DOCK1: variants seen among roughly 807,000 people sequenced by gnomAD.
DOCK1 encodes the protein dedicator of cytokinesis protein 1.
DOCK1 carries 138 observed loss-of-function variants against 262.7 expected under a neutral mutation model. The observed-to-expected ratio is 0.53, with a 90% CI of 0.46 to 0.61. The LOEUF (loss-of-function observed/expected upper bound fraction) is 0.61, where lower values mean the gene tolerates loss of function less well. DOCK1 is among the 20% of genes least tolerant of loss of function. DOCK1 has a pLI of 0.00. For missense variants in DOCK1, 1,908 were observed against 2,370.7 expected (o/e 0.80, Z 4.05); for synonymous variants, 866 against 867.4 (o/e 1.00, Z 0.03).
intron 3 of DOCK1, among the ~76,000 whole-genome samples, chr10:126,979,126 G>C (rs9733352): frequency 0.41 from 61,802 of 152,024 alleles, 13,052 homozygotes; most frequent in East Asian, 0.64. Flanking sequence ...GTGACCTATA[G>C]CCTTGAAGTT....
chr10:127,085,484 G>T (rs1419025189), intron 23 of DOCK1, among the ~76,000 whole-genome samples: 1 of 152,186 alleles, frequency 6.6e-6, no homozygotes, highest in Non-Finnish European at 1.5e-5. Flanking sequence ...TCTTGGCCGG[G>T]CGCGGTGGCT....
At chr10:127,182,498 T>A (rs1479277447) in intron 27 of DOCK1, among the ~76,000 whole-genome samples, 1 of 152,178 alleles carries the variant, frequency 6.6e-6, no homozygotes. Context: ...TATGTTTCAC[T>A]ACCCAGTTCT....
chr10:127,091,989 T>C (rs912746201), intron 23 of DOCK1, among the ~76,000 whole-genome samples: 1 of 152,196 alleles, frequency 6.6e-6, no homozygotes, highest in Non-Finnish European at 1.5e-5. Flanking sequence ...GATGCTGCCA[T>C]AGTATATCGT....
chr10:127,250,924 T>C (rs1490812613), intron 28 of DOCK1, among the ~76,000 whole-genome samples: 2 of 152,124 alleles, frequency 1.3e-5, no homozygotes, highest in Non-Finnish European at 2.9e-5. Context: ...TGTTTCTGTT[T>C]GTTAACTATA....
Position 127,008,816 on chromosome 10 carries a change from G to A in DOCK1, c.1058+12G>A, listed in dbSNP as rs761849675. ...ATTCCCTTTCAGCCGTAAGTATGGA[G>A]CAATTCAAGTACTTAGCCAGATATA... On this transcript the variant is annotated intron_variant, in intron 11 of 51. Transcript: ENST00000623213. The A allele has an allele frequency of 1.3e-6, 2 of 1,588,768 alleles. No individual in the cohort carries two copies. Among genetic ancestry groups the A allele is most frequent in the Non-Finnish European group, 8.6e-7 (1 of 1,165,128 alleles).
chr10:127,122,573 T>C (rs1430112186), intron 25 of DOCK1, among the ~76,000 whole-genome samples: 2 of 151,792 alleles, frequency 1.3e-5, no homozygotes, highest in African/African-American at 4.8e-5. Context: ...CATGGATGGC[T>C]GGGTCATGAA....
chr10:126,991,829 G>A (rs2039810380), intron 6 of DOCK1, among the ~76,000 whole-genome samples: 2 of 151,994 alleles, frequency 1.3e-5, no homozygotes, highest in Non-Finnish European at 2.9e-5. Context: ...GCTCCCAGCC[G>A]GAAATCTCAA....
At chr10:127,034,205 T>C (rs1346037367) in intron 18 of DOCK1, among the ~76,000 whole-genome samples, 1 of 152,282 alleles carries the variant, frequency 6.6e-6, no homozygotes, top group East Asian at 1.9e-4. Context: ...AGAGGTTTAA[T>C]GTACAGTTCT....
In DOCK1 at chr10:127,384,916, C is replaced by A. The variant is rs1245430889; in HGVS notation, c.3927+7C>A. ...CTACTTCGACAAAGGCAAGGTAAAA[C>A]ACAAAAAGCAATTGTCCTTGTTTTC... is the stretch of plus-strand genomic sequence containing the variant. On this transcript the variant is annotated splice_region_variant and intron_variant, in intron 38 of 51. Coordinates refer to ENST00000623213, the MANE Select transcript of DOCK1 (RefSeq NM_001290223.2). 2 of 1,582,610 alleles carry A rather than the reference C, an allele frequency of 1.3e-6. No individual in the cohort carries two copies. The highest frequency in any genetic ancestry group is 1.9e-5 in the Admixed American group (1 of 52,620).
intron 2 of DOCK1, among the ~76,000 whole-genome samples, chr10:126,974,138 T>C (rs1402938867): frequency 6.6e-6 from 1 of 152,058 alleles, no homozygotes; most frequent in Non-Finnish European, 1.5e-5. Context: ...TACCTCCAGA[T>C]AGGAGAGGTG....
intron 22 of DOCK1, among the ~76,000 whole-genome samples, chr10:127,059,269 A>G (rs1014983586): frequency 6.6e-6 from 1 of 152,074 alleles, no homozygotes; most frequent in African/African-American, 2.4e-5. Context: ...CAATCTTACT[A>G]TGGGTTGCAT....
chr10:127,341,045 T>G (rs1038873182), intron 30 of DOCK1, among the ~76,000 whole-genome samples: 2 of 152,206 alleles, frequency 1.3e-5, no homozygotes, highest in Non-Finnish European at 2.9e-5. Context: ...ACTTCTAAAT[T>G]TTACTGTTTT....
In DOCK1 at chr10:127,409,394, A is replaced by G. The variant is rs2067712589; in HGVS notation, c.4343+3A>G. On this transcript the variant is annotated splice_donor_region_variant and intron_variant, in intron 42 of 51. Coordinates refer to ENST00000623213, the MANE Select transcript of DOCK1 (RefSeq NM_001290223.2). ...CCAGTGTCAGAGCAGATTGTAAGGTAATAATCCCATTTTTCTTACCCAACG... is the reference window on the plus strand; with the variant it reads ...CCAGTGTCAGAGCAGATTGTAAGGTGATAATCCCATTTTTCTTACCCAACG... The G allele has an allele frequency of 1.9e-6, 3 of 1,613,962 alleles. No homozygotes were observed. The highest frequency in any genetic ancestry group is 2.5e-6 in the Non-Finnish European group (3 of 1,179,858).
At chr10:127,161,951 A>G (rs1564854562) in intron 27 of DOCK1, among the ~76,000 whole-genome samples, 1 of 152,224 alleles carries the variant, frequency 6.6e-6, no homozygotes, top group Non-Finnish European at 1.5e-5. Flanking sequence ...TTTTCCTGAC[A>G]GTTAAGTAAA....
At chr10:127,276,067 A>G (rs773486165) in intron 29 of DOCK1, among the ~76,000 whole-genome samples, 5 of 152,202 alleles carry the variant, frequency 3.3e-5, no homozygotes, top group Non-Finnish European at 1.5e-5. Context: ...ATGCTAAATC[A>G]TCCTCCTGTG....
At position 127,144,197 on chromosome 10, in the gene DOCK1, G is replaced by A. The variant is rs1187882610; in HGVS notation, c.2847+16433G>A. 3.3e-5 allele frequency among the ~76,000 whole-genome samples: 5 copies of A among 152,082 alleles called. No homozygotes were observed. In the East Asian group the frequency reaches 9.7e-4, roughly 29 times the overall value. On this transcript the variant is annotated intron_variant, in intron 27 of 51. Coordinates refer to ENST00000623213, the MANE Select transcript of DOCK1 (RefSeq NM_001290223.2). The stretch of plus-strand genomic sequence containing the variant: ...CTCTCCAGTTACCAGAGTCACCTTA[G>A]GAAAACTGGCAAACTCCTTCTCAAA...
At chr10:127,106,038 T>C (rs2048509593) in intron 23 of DOCK1, among the ~76,000 whole-genome samples, 193 bp from the exon 24 acceptor site, 1 of 152,312 alleles carries the variant, frequency 6.6e-6, no homozygotes, top group East Asian at 1.9e-4. Context: ...GTGCTGGGAT[T>C]ACAGGTGTGA....
At chr10:126,933,301 T>C (rs1018289903) in intron 1 of DOCK1, among the ~76,000 whole-genome samples, 14 of 152,222 alleles carry the variant, frequency 9.2e-5, no homozygotes, top group Non-Finnish European at 1.9e-4. Flanking sequence ...AGTGGACACC[T>C]TTCGTTGGGT....
chr10:127,415,281 C>T, intron 44 of DOCK1, 43 bp downstream of exon 44: 1 of 1,581,874 alleles, frequency 6.3e-7, no homozygotes, highest in South Asian at 1.1e-5. Context: ...CGTTCCCTTC[C>T]TCAATACAGT....
Sources: gnomAD v4.1 joint callset for allele counts (sites outside exome capture counted in the v4.1 genomes callset) on GRCh38, gnomAD v4.1.1 for gene constraint, MANE v1.5 for transcripts, NCBI Gene and HGNC (gene_info 2026-07-23, HGNC 2026-07-21) for gene names.